Variants in ABCA10 observed in about 807,000 individuals in gnomAD.
ABCA10 encodes ATP binding cassette subfamily A member 10.
A neutral mutation model predicts 187.5 loss-of-function variants in ABCA10; 169 were observed. The ratio of observed to expected loss-of-function variants is 0.90; its 90% confidence interval spans 0.80 to 1.02. The LOEUF is 1.02. Among genes scored for constraint, ABCA10 ranks in the 50% least tolerant of loss-of-function variants. ABCA10 has a pLI of 0.00. For missense variants in ABCA10, 1,727 were observed against 1,812.4 expected (o/e 0.95, Z 0.86); for synonymous variants, 574 against 601.8 (o/e 0.95, Z 0.68).
chr17:69,193,728 A>C (rs1341594411), intron 13 of ABCA10, 86 bp downstream of exon 13: 9 of 1,561,220 alleles, frequency 5.8e-6, no homozygotes, highest in Non-Finnish European at 7.8e-6. Context: ...TTACCTATCA[A>C]AGAGTAGAGT....
At chr17:69,174,882 T>A in intron 23 of ABCA10, 105 bp from the exon 24 acceptor site, 4 of 1,000,564 alleles carry the variant, frequency 4.0e-6, no homozygotes, top group Non-Finnish European at 5.5e-6. Context: ...TATGTTATAG[T>A]GTCTGTGTGA....
At position 69,174,262 on chromosome 17, in the gene ABCA10, C is replaced by A; in HGVS notation, c.3162+19G>T. ...CAAGGAAATTTAATATAAATGTGCA[C>A]GCATGTATATATACTTACAATAAAA... On this transcript the variant is annotated intron_variant, in intron 25 of 38. Coordinates refer to ENST00000690296, the MANE Select transcript of ABCA10 (RefSeq NM_001377321.1). 6.7e-7 allele frequency: 1 copy of A among 1,491,688 alleles called. No individual in the cohort carries two copies. Among genetic ancestry groups the A allele is most frequent in the Admixed American group, 2.1e-5 (1 of 46,522 alleles). 92.4% of individuals were successfully genotyped at this position (1,491,688 alleles called of 1,614,324 possible). A position where few individuals can be genotyped will look rare whatever the true frequency, so the allele number is the denominator to read the frequency against.
chr17:69,219,295 G>A (rs1023100093), intron 6 of ABCA10, among the ~76,000 whole-genome samples: 1 of 152,154 alleles, frequency 6.6e-6, no homozygotes, highest in African/African-American at 2.4e-5. Flanking sequence ...AGGTCGTGGG[G>A]TTTGGGGTGG....
intron 37 of ABCA10, 68 bp from the exon 38 acceptor site, chr17:69,149,156 T>C: frequency 6.6e-7 from 1 of 1,524,928 alleles, no homozygotes; most frequent in Non-Finnish European, 9.1e-7. Context: ...AGTCATACAA[T>C]AGAGACAGTA....
chr17:69,235,840 A>G (rs2074866465), intron 1 of ABCA10, among the ~76,000 whole-genome samples: 6 of 152,236 alleles, frequency 3.9e-5, no homozygotes, highest in Admixed American at 3.9e-4. Context: ...CAATACTTTT[A>G]AATAATCTTG....
intron 4 of ABCA10, 36 bp downstream of exon 4, chr17:69,222,497 T>C (rs376855808): frequency 8.2e-6 from 12 of 1,468,904 alleles, no homozygotes; most frequent in Admixed American, 2.6e-5. Context: ...CCATGAAGTA[T>C]CAAAAAAAAA....
intron 5 of ABCA10, among the ~76,000 whole-genome samples, chr17:69,220,452 G>C (rs2074739560): frequency 6.6e-6 from 1 of 152,174 alleles, no homozygotes; most frequent in Admixed American, 6.5e-5. Context: ...TGGCAGAACT[G>C]AAGTACATAG....
At chr17:69,162,511 T>C (rs1407163180) in intron 27 of ABCA10, among the ~76,000 whole-genome samples, 1 of 152,152 alleles carries the variant, frequency 6.6e-6, no homozygotes, top group Non-Finnish European at 1.5e-5. Flanking sequence ...ATCATGGCAA[T>C]GTTCCTGCTC....
Position 69,201,197 on chromosome 17 carries a change from T to C in ABCA10, c.1175+303A>G, listed in dbSNP as rs372770054. ...TATATACTTATATACTGCATATGTA[T>C]ACATATACATAACATAGCCATGTGT... On this transcript the variant is annotated intron_variant, in intron 10 of 38. Transcript: ENST00000690296. 1.2e-4 allele frequency among the ~76,000 whole-genome samples: 19 copies of C among 152,300 alleles called. No individual in the cohort carries two copies. In the East Asian group the frequency reaches 2.7e-3, roughly 22 times the overall value.
At chr17:69,229,072 TGA>T (rs942653706), upstream of ABCA10, among the ~76,000 whole-genome samples, 6 of 152,000 alleles carry the variant, frequency 3.9e-5, no homozygotes, top group African/African-American at 1.4e-4. Context: ...ATCATTCCAA[TGA>T]GAAAGTTTCA....
At chr17:69,214,889 T>C in intron 8 of ABCA10, 38 bp from the exon 9 acceptor site, 2 of 1,412,444 alleles carry the variant, frequency 1.4e-6, no homozygotes, top group Non-Finnish European at 1.9e-6. Flanking sequence ...TTAGATGAAC[T>C]TATAAAACTA....
At chr17:69,215,616 C>T (rs1207039855) in intron 8 of ABCA10, 199 bp downstream of exon 8, 2 of 473,542 alleles carry the variant, frequency 4.2e-6, no homozygotes, top group Non-Finnish European at 7.0e-6. Flanking sequence ...TTTAAATTTG[C>T]TAGGATTTTA....
Position 69,190,255 on chromosome 17 carries a change from A to T in ABCA10, c.2131+103T>A, listed in dbSNP as rs2074449897. 3.9e-6 allele frequency: 5 copies of T among 1,267,688 alleles called. No individual in the cohort carries two copies. In the African/African-American group the frequency reaches 7.7e-5, roughly 20 times the overall value. The allele number at this position is 1,267,688 out of a possible 1,614,324, so 78.5% of individuals were successfully genotyped here. On this transcript the variant is annotated intron_variant, in intron 18 of 38. Coordinates refer to ENST00000690296, the MANE Select transcript of ABCA10 (RefSeq NM_001377321.1). ...TGCTATTTTCTATCTAATGCATATT[A>T]TAGGTAGAAATCCACATAAAAATCT...
intron 1 of ABCA10, among the ~76,000 whole-genome samples, chr17:69,240,683 ACAT>A (rs1396092969): frequency 6.6e-6 from 1 of 152,214 alleles, no homozygotes; most frequent in Non-Finnish European, 1.5e-5. Context: ...TGACTTCTCT[ACAT>A]CATCAAGCCT....
upstream of ABCA10, among the ~76,000 whole-genome samples, chr17:69,231,676 T>C (rs980149205): frequency 6.6e-6 from 1 of 152,204 alleles, no homozygotes; most frequent in African/African-American, 2.4e-5. Flanking sequence ...AGACTTGTTC[T>C]GTGGCCTAAC....
chr17:69,220,834 C>A (rs1343465102), intron 5 of ABCA10, among the ~76,000 whole-genome samples: 1 of 152,176 alleles, frequency 6.6e-6, no homozygotes, highest in African/African-American at 2.4e-5. Flanking sequence ...AACACAGGCA[C>A]ACTCATTTGT....
At chr17:69,168,808 G>A (rs2074273765) in intron 25 of ABCA10, among the ~76,000 whole-genome samples, 1 of 152,160 alleles carries the variant, frequency 6.6e-6, no homozygotes. Flanking sequence ...CAAAACAGGA[G>A]TTGCCCTGCA....
chr17:69,169,589 G>T (rs2074281291), intron 25 of ABCA10, among the ~76,000 whole-genome samples: 1 of 152,176 alleles, frequency 6.6e-6, no homozygotes, highest in Non-Finnish European at 1.5e-5. Flanking sequence ...GGGAAGGTTT[G>T]CTCTCTCAAA....
intron 9 of ABCA10, among the ~76,000 whole-genome samples, chr17:69,207,030 C>T (rs1330808684): frequency 1.3e-5 from 2 of 151,988 alleles, no homozygotes; most frequent in Non-Finnish European, 2.9e-5. Flanking sequence ...ACAAAATATA[C>T]AGCAAACTCA....
Sources: allele counts gnomAD v4.1 joint callset (sites outside exome capture counted in the v4.1 genomes callset), GRCh38; gene constraint gnomAD v4.1.1; transcripts MANE v1.5; gene names NCBI Gene and HGNC (gene_info 2026-07-23, HGNC 2026-07-21).